The following RGS12 variants were observed in gnomAD, a reference collection of about 807,000 sequenced individuals.
RGS12 encodes regulator of G-protein signaling 12.
Under a neutral mutation model 120.1 loss-of-function variants are expected in RGS12, and 66 were observed. That is an observed-to-expected ratio of 0.55 (90% CI 0.45 to 0.67). The LOEUF (loss-of-function observed/expected upper bound fraction) is 0.67, where lower values mean the gene tolerates loss of function less well. Ranked by LOEUF, RGS12 falls within the 30% of genes least tolerant of loss-of-function variation. RGS12 has a pLI of 0.00. For missense variants in RGS12, 1,859 were observed against 1,957.7 expected (o/e 0.95, Z 0.95); for synonymous variants, 827 against 804.7 (o/e 1.03, Z -0.47).
At chr4:3,318,432 C>A (rs548991749) in intron 2 of RGS12, among the ~76,000 whole-genome samples, 13 of 152,222 alleles carry the variant, frequency 8.5e-5, no homozygotes, top group Non-Finnish European at 1.8e-4. Flanking sequence ...AGGTCTGACC[C>A]CAGAATCTTC....
Position 3,428,358 on chromosome 4 carries a change from TTTC to T in RGS12, c.3411+194_3412-193del, listed in dbSNP as rs766989745. On this transcript the variant is annotated intron_variant, in intron 15 of 17. Coordinates refer to ENST00000336727, the MANE Select transcript of RGS12 (RefSeq NM_001394154.1). ...CTTACCTGTGAAGGACTGGCTTTCTTTTCTTCTGAGGTGGGAGTGGTTGTGCCT... is the reference window on the plus strand; with the variant it reads ...CTTACCTGTGAAGGACTGGCTTTCTTTTCTGAGGTGGGAGTGGTTGTGCCT... The T allele has an allele frequency of 1.1e-5, 9 of 784,650 alleles. No homozygotes were observed. The South Asian group carries it at 1.2e-4, about 11-fold the overall frequency. 48.6% of individuals were successfully genotyped at this position (784,650 alleles called of 1,614,324 possible).
chr4:3,403,521 C>A (rs1012548220), intron 4 of RGS12, among the ~76,000 whole-genome samples: 1 of 152,216 alleles, frequency 6.6e-6, no homozygotes, highest in Admixed American at 6.5e-5. Flanking sequence ...ATGTTTTGGA[C>A]CTCAGCAGCT....
upstream of RGS12, among the ~76,000 whole-genome samples, chr4:3,289,314 TG>T (rs1455637551): frequency 4.6e-5 from 7 of 152,062 alleles, no homozygotes; most frequent in Admixed American, 1.3e-4. Flanking sequence ...GTGATCCTCC[TG>T]CCTCAGTCTC....
At chr4:3,338,291 CT>C (rs922319862) in intron 2 of RGS12, among the ~76,000 whole-genome samples, 1 of 152,236 alleles carries the variant, frequency 6.6e-6, no homozygotes, top group African/African-American at 2.4e-5. Context: ...AACTCCCAAC[CT>C]CAGGTGGTCC....
chr4:3,368,658 ATGTGTGTGTAGGGGGGGTGCC>A (rs1329597573), intron 3 of RGS12, among the ~76,000 whole-genome samples: 1 of 64,246 alleles, frequency 1.6e-5, no homozygotes, highest in African/African-American at 6.4e-5. Flanking sequence ...TGTGGGGTGC[ATGTGTGTGTAGGGGGGGTGCC>A]TGTGTGTGTG....
intron 1 of RGS12, among the ~76,000 whole-genome samples, chr4:3,297,030 G>A (rs1723420927): frequency 6.6e-6 from 1 of 152,216 alleles, no homozygotes; most frequent in Non-Finnish European, 1.5e-5. Context: ...CTCGGGCTCC[G>A]GGCAAGGAAC....
chr4:3,421,813 A>T (rs1723048640), intron 10 of RGS12, among the ~76,000 whole-genome samples: 1 of 152,208 alleles, frequency 6.6e-6, no homozygotes, highest in African/African-American at 2.4e-5. Context: ...ACAGAGCCGC[A>T]TTATGAGGGG....
chr4:3,308,900 A>G (rs1234248603), intron 1 of RGS12, among the ~76,000 whole-genome samples: 2 of 152,192 alleles, frequency 1.3e-5, no homozygotes, highest in African/African-American at 4.8e-5. Flanking sequence ...GTCTTCCTGG[A>G]AGGGACTGTT....
intron 4 of RGS12, among the ~76,000 whole-genome samples, chr4:3,405,256 C>T (rs559522015): frequency 5.3e-5 from 8 of 152,312 alleles, no homozygotes; most frequent in East Asian, 3.9e-4. Flanking sequence ...ACCCTAGAAA[C>T]GACAGCGGAC....
intron 1 of RGS12, among the ~76,000 whole-genome samples, chr4:3,301,933 C>T (rs754049544): frequency 5.3e-5 from 8 of 151,818 alleles, no homozygotes; most frequent in Non-Finnish European, 8.8e-5. Flanking sequence ...GCATTTGGGG[C>T]GCACTCATAC....
intron 2 of RGS12, among the ~76,000 whole-genome samples, chr4:3,335,391 G>C (rs1217066961): frequency 6.6e-6 from 1 of 152,176 alleles, no homozygotes; most frequent in Admixed American, 6.5e-5. Flanking sequence ...ACAGAGTTTT[G>C]TAACAGATTT....
chr4:3,397,175 A>G lies in RGS12; in HGVS notation c.2020+10738A>G, dbSNP rs1420050700. On this transcript the variant is annotated intron_variant, in intron 4 of 17. Coordinates refer to ENST00000336727, the MANE Select transcript of RGS12 (RefSeq NM_001394154.1). ...AGAAGGTGAGGGAGCAGCCTGGGAC[A>G]CACAAGACCTTGCAAGGACTTGAGA... Among the ~76,000 whole-genome samples the G allele has an allele frequency of 3.9e-5, 6 of 152,310 alleles. No individual in the cohort carries two copies. In the East Asian group the frequency reaches 1.2e-3, roughly 29 times the overall value.
intron 2 of RGS12, among the ~76,000 whole-genome samples, chr4:3,333,653 C>T (rs775562395): frequency 9.2e-5 from 14 of 152,158 alleles, no homozygotes; most frequent in Admixed American, 1.3e-4. Context: ...TGTTCATGTG[C>T]GTGTGGGTCT....
chr4:3,363,164 TGA>T (rs1434194361), intron 3 of RGS12, among the ~76,000 whole-genome samples: 2 of 151,610 alleles, frequency 1.3e-5, no homozygotes, highest in Admixed American at 6.6e-5. Context: ...GGCGTGTGTG[TGA>T]GTGTGCGTCA....
chr4:3,372,609 TGGC>T lies in RGS12; in HGVS notation c.1999-13800_1999-13798del, dbSNP rs376961873. Among the ~76,000 whole-genome samples the T allele has an allele frequency of 1.3e-5, 2 of 152,292 alleles. No homozygotes were observed. Among genetic ancestry groups the T allele is most frequent in the Non-Finnish European group, 2.9e-5 (2 of 68,024 alleles). The stretch of plus-strand genomic sequence containing the variant: ...GTGCCCTGTGTGGCCGGCATGGAGG[TGGC>T]GGCGGCCATCAGGGTGTGGTTTTGT... On this transcript the variant is annotated intron_variant, in intron 3 of 17. Coordinates refer to ENST00000336727, the MANE Select transcript of RGS12 (RefSeq NM_001394154.1). This position sits in a 1 kb window ranked among gnomAD's most constrained non-coding sequence, Gnocchi z 4.3.
At chr4:3,397,404 A>G (rs1014282162) in intron 4 of RGS12, among the ~76,000 whole-genome samples, 1 of 152,252 alleles carries the variant, frequency 6.6e-6, no homozygotes, top group Admixed American at 6.5e-5. Context: ...ATTAACCCTC[A>G]TATGAGTTTG....
chr4:3,391,455 G>GTGC (rs1274175668), intron 4 of RGS12, among the ~76,000 whole-genome samples: 1 of 152,196 alleles, frequency 6.6e-6, no homozygotes, highest in Non-Finnish European at 1.5e-5. Context: ...GAGTTAACGT[G>GTGC]TGCTAGCCAG....
intron 4 of RGS12, among the ~76,000 whole-genome samples, chr4:3,394,768 A>G (rs764525380): frequency 6.6e-6 from 1 of 152,214 alleles, no homozygotes; most frequent in African/African-American, 2.4e-5. Context: ...ACTCAGACCA[A>G]GAGACAGAAC....
intron 17 of RGS12, among the ~76,000 whole-genome samples, chr4:3,438,518 G>A (rs1302393606): frequency 6.6e-6 from 1 of 152,076 alleles, no homozygotes; most frequent in Non-Finnish European, 1.5e-5. Flanking sequence ...ATGGAGCTCC[G>A]GGCGGCACAT....
Sources: gnomAD v4.1 joint callset for allele counts (sites outside exome capture counted in the v4.1 genomes callset) on GRCh38, gnomAD v4.1.1 for gene constraint, Gnocchi (gnomAD v3.1) non-coding constraint, MANE v1.5 for transcripts, NCBI Gene and HGNC (gene_info 2026-07-23, HGNC 2026-07-21) for gene names.